The following DPH6 variants were observed in gnomAD, a reference collection of about 807,000 sequenced individuals.
DPH6 encodes the protein diphthamine biosynthesis 6.
DPH6 carries 33 observed loss-of-function variants against 38.2 expected under a neutral mutation model. That is an observed-to-expected ratio of 0.86 (90% CI 0.65 to 1.15). The LOEUF (loss-of-function observed/expected upper bound fraction) is 1.15, where lower values mean the gene tolerates loss of function less well. Ranked by LOEUF, DPH6 falls within the 50% of genes most tolerant of loss-of-function variation. The pLI, the probability that DPH6 is intolerant of heterozygous loss-of-function variation, is 0.00. For missense variants in DPH6, 325 were observed against 320.0 expected (o/e 1.02, Z -0.12); for synonymous variants, 108 against 103.0 (o/e 1.05, Z -0.30).
chr15:35,400,742 T>G, intron 6 of DPH6: 1 of 737,396 alleles, frequency 1.4e-6, no homozygotes, highest in Non-Finnish European at 2.5e-6. Context: ...GAAGCTCTTA[T>G]TGGAGGGTTG....
At chr15:35,243,342 G>A (rs367633131) in intron 3 of DPH6, among the ~76,000 whole-genome samples, 2 of 140,952 alleles carry the variant, frequency 1.4e-5, no homozygotes, top group South Asian at 2.5e-4. Flanking sequence ...AAAAATTTTC[G>A]CCGCCCCAAC....
chr15:35,198,796 T>C, the DPH6 span, among the ~76,000 whole-genome samples: 1 of 152,214 alleles, frequency 6.6e-6, no homozygotes, highest in Non-Finnish European at 1.5e-5. Flanking sequence ...TGAATATAGG[T>C]AGCGTCTTAC....
chr15:35,237,751 C>G (rs996150769), intron 3 of DPH6: 3 of 1,612,768 alleles, frequency 1.9e-6, no homozygotes, highest in Non-Finnish European at 2.5e-6. Context: ...TCCTGCAACT[C>G]ACATATCTTG....
At chr15:35,411,642 C>G (rs2053368375) in intron 5 of DPH6, among the ~76,000 whole-genome samples, 1 of 151,514 alleles carries the variant, frequency 6.6e-6, no homozygotes, top group Non-Finnish European at 1.5e-5. Context: ...GAAAAAAAAT[C>G]CCATGTCACA....
At chr15:35,218,352 G>A (rs937374499) in exon 4 of DPH6, 2 of 152,124 alleles carry the variant, frequency 1.3e-5, no homozygotes, top group Non-Finnish European at 2.9e-5. Context: ...ATGCATTCTG[G>A]GGTCTGAATG....
In DPH6 at chr15:35,525,125, A is replaced by T. The variant is rs188522749; in HGVS notation, c.312+13149T>A. 4.8e-3 allele frequency among the ~76,000 whole-genome samples: 738 copies of T among 152,336 alleles called. 8 individuals carry two copies. The highest frequency in any genetic ancestry group is 0.017 in the African/African-American group (703 of 41,578). ...AACAGGGAGAATATATTACAAATGC[A>T]AATAATTACATAAAACAAGTCATAA... On this transcript the variant is annotated intron_variant, in intron 3 of 8. Coordinates refer to ENST00000256538, the MANE Select transcript of DPH6 (RefSeq NM_080650.4).
At chr15:35,257,624 C>A (rs563728254) in intron 3 of DPH6, among the ~76,000 whole-genome samples, 86 of 152,182 alleles carry the variant, frequency 5.7e-4, no homozygotes, top group African/African-American at 2.0e-3. Flanking sequence ...ACAAAGTGCA[C>A]TGTAGGAGAT....
At position 35,401,647 on chromosome 15, in the gene DPH6, T is replaced by G. The variant is rs530830934; in HGVS notation, c.567+9188A>C. ...TTTGGAACCATGAAGGTAGGAAACT[T>G]TGGAGGCAGAAACTCTGGCTCCTAT... On this transcript the variant is annotated intron_variant, in intron 6 of 8. Coordinates refer to ENST00000256538, the MANE Select transcript of DPH6 (RefSeq NM_080650.4). 36 of 753,066 alleles carry G rather than the reference T, an allele frequency of 4.8e-5. No homozygotes were observed. In the East Asian group the frequency reaches 8.8e-4, roughly 18 times the overall value. 46.6% of individuals were successfully genotyped at this position (753,066 alleles called of 1,614,324 possible). A position where few individuals can be genotyped will look rare whatever the true frequency, so the allele number is the denominator to read the frequency against.
At chr15:35,231,079 C>T (rs1368222627) in intron 3 of DPH6, among the ~76,000 whole-genome samples, 4 of 152,178 alleles carry the variant, frequency 2.6e-5, no homozygotes, top group African/African-American at 9.7e-5. Flanking sequence ...CACTAGGACT[C>T]ACCTAGGTGT....
chr15:35,237,817 G>A, intron 3 of DPH6: 2 of 1,570,648 alleles, frequency 1.3e-6, no homozygotes, highest in Non-Finnish European at 1.8e-6. Flanking sequence ...AGGGCTACGT[G>A]GAGGGCCTGG....
intron 5 of DPH6, among the ~76,000 whole-genome samples, chr15:35,434,674 T>G (rs781342350): frequency 1.1e-4 from 17 of 152,174 alleles, no homozygotes; most frequent in Non-Finnish European, 2.1e-4. Context: ...AAGGTTGCAG[T>G]GGTCCTATCA....
At chr15:35,293,092 C>T (rs889596298) in intron 3 of DPH6, among the ~76,000 whole-genome samples, 1 of 152,138 alleles carries the variant, frequency 6.6e-6, no homozygotes, top group Admixed American at 6.5e-5. Flanking sequence ...AAATATTCTA[C>T]AGCATAGAGA....
Position 35,240,287 on chromosome 15 carries a change from G to A in DPH6, n.201-19705C>T, listed in dbSNP as rs1234629038. Among the ~76,000 whole-genome samples, 7 of 143,220 alleles carry A rather than the reference G, an allele frequency of 4.9e-5. 1 individual carries two copies. The highest frequency in any genetic ancestry group is 2.2e-4 in the East Asian group (1 of 4,574). The allele number at this position is 143,220 out of a possible 152,430, so 94.0% of individuals were successfully genotyped here. A position where few individuals can be genotyped will look rare whatever the true frequency, so the allele number is the denominator to read the frequency against. On this transcript the variant is annotated intron_variant and non_coding_transcript_variant, in intron 3 of 3. Transcript: ENST00000560386. ...GGGCAAATGGTCTGAGGTGCCTGACGTCCAGGCATTCTTTTACACATCAGT... is the reference window on the plus strand; with the variant it reads ...GGGCAAATGGTCTGAGGTGCCTGACATCCAGGCATTCTTTTACACATCAGT...
chr15:35,275,921 A>T (rs186955318), intron 3 of DPH6, among the ~76,000 whole-genome samples: 35 of 152,288 alleles, frequency 2.3e-4, no homozygotes, highest in African/African-American at 8.4e-4. Flanking sequence ...GTGTACAAGT[A>T]TCTTTTTTGA....
intron 3 of DPH6, among the ~76,000 whole-genome samples, chr15:35,460,216 A>G (rs111289707): frequency 2.0e-5 from 3 of 152,166 alleles, no homozygotes; most frequent in African/African-American, 7.2e-5. Flanking sequence ...TCAAAGAATG[A>G]ATTTCAGATC....
intron 3 of DPH6, among the ~76,000 whole-genome samples, chr15:35,302,155 G>A (rs917733856): frequency 1.3e-5 from 2 of 151,940 alleles, no homozygotes; most frequent in Admixed American, 1.3e-4. Context: ...CCAAATCTTT[G>A]GTAACAAAAG....
At chr15:35,357,346 G>A (rs1382924378) in intron 3 of DPH6, among the ~76,000 whole-genome samples, 1 of 152,212 alleles carries the variant, frequency 6.6e-6, no homozygotes, top group East Asian at 1.9e-4. Context: ...AGTTGGAAAT[G>A]CAGAAATCAC....
intron 6 of DPH6, among the ~76,000 whole-genome samples, chr15:35,406,957 C>T (rs954859150): frequency 1.3e-5 from 2 of 151,864 alleles, no homozygotes; most frequent in Non-Finnish European, 2.9e-5. Flanking sequence ...TGGAGGGAAC[C>T]ACAATATATA....
At chr15:35,290,057 A>C (rs2051969932) in intron 3 of DPH6, among the ~76,000 whole-genome samples, 1 of 152,250 alleles carries the variant, frequency 6.6e-6, no homozygotes, top group Non-Finnish European at 1.5e-5. Flanking sequence ...AATGTAAGCC[A>C]TATTAACTAA....
Sources: gnomAD v4.1 joint callset for allele counts (sites outside exome capture counted in the v4.1 genomes callset) on GRCh38, gnomAD v4.1.1 for gene constraint, MANE v1.5 for transcripts, NCBI Gene and HGNC (gene_info 2026-07-23, HGNC 2026-07-21) for gene names.